MEF2B: variants seen among roughly 807,000 people sequenced by gnomAD.
The protein encoded by MEF2B is myocyte enhancer factor 2B, also known as myocyte-specific enhancer factor 2B.
MEF2B carries 15 observed loss-of-function variants against 32.2 expected under a neutral mutation model. The observed-to-expected ratio is 0.47, with a 90% CI of 0.31 to 0.72. The LOEUF is 0.72. MEF2B is among the 30% of genes least tolerant of loss of function. MEF2B has a pLI of 0.05. For missense variants in MEF2B, 441 were observed against 511.5 expected (o/e 0.86, Z 1.33); for synonymous variants, 205 against 225.6 (o/e 0.91, Z 0.82).
In MEF2B at chr19:19,146,388, G is replaced by T. The variant is rs1337694644; in HGVS notation, c.770-4C>A. ...GGAGGGTCTCCCAGGCCATATTCTG[G>T]TGGGCAGGAATTGGGGGCTGAGGCC... On this transcript the variant is annotated splice_polypyrimidine_tract_variant and splice_region_variant and intron_variant, in intron 7 of 8. Transcript: ENST00000424583. The T allele has an allele frequency of 4.5e-6, 5 of 1,105,620 alleles. No individual in the cohort carries two copies. Among genetic ancestry groups the T allele is most frequent in the Non-Finnish European group, 6.1e-6 (5 of 814,804 alleles). 68.5% of individuals were successfully genotyped at this position (1,105,620 alleles called of 1,614,324 possible).
At chr19:19,162,410 GGTGTGAGC>G (rs2060171533) in intron 1 of MEF2B, among the ~76,000 whole-genome samples, 3 of 152,196 alleles carry the variant, frequency 2.0e-5, no homozygotes, top group Non-Finnish European at 4.4e-5. Context: ...TGGGATTACG[GGTGTGAGC>G]CACCACACAG....
In MEF2B at chr19:19,145,581, G is replaced by A; in HGVS notation, c.*216C>T. 2 of 1,129,924 alleles carry A rather than the reference G, an allele frequency of 1.8e-6. No individual in the cohort carries two copies. Among genetic ancestry groups the A allele is most frequent in the Non-Finnish European group, 2.5e-6 (2 of 815,780 alleles). The allele number at this position is 1,129,924 out of a possible 1,614,324, so 70.0% of individuals were successfully genotyped here. A position where few individuals can be genotyped will look rare whatever the true frequency, so the allele number is the denominator to read the frequency against. ...GTCACAGTCAGTCTGGTCCACGGAC[G>A]CCACGCGCGTTTTATTTGTGGATAT... On this transcript the variant is annotated 3_prime_UTR_variant, in exon 9 of 9. Transcript: ENST00000424583. The surrounding 1 kb of genome is among the most constrained non-coding windows in gnomAD (Gnocchi z 4.6).
intron 1 of MEF2B, among the ~76,000 whole-genome samples, chr19:19,158,867 G>A (rs116745824): frequency 0.01 from 1,547 of 152,124 alleles, 24 homozygotes; most frequent in African/African-American, 0.036. Context: ...GCAGGGGGAG[G>A]CAGAGGTTGC....
intron 1 of MEF2B, among the ~76,000 whole-genome samples, chr19:19,152,413 A>C (rs2060091036): frequency 6.6e-6 from 1 of 151,888 alleles, no homozygotes. Flanking sequence ...AAGAAAAAGA[A>C]AAAGAAATCT....
intron 1 of MEF2B, among the ~76,000 whole-genome samples, chr19:19,153,074 C>G (rs1307458167): frequency 1.3e-5 from 2 of 152,186 alleles, no homozygotes; most frequent in African/African-American, 2.4e-5. Context: ...GGCCTTGGTC[C>G]GGAGGTCCCA....
At position 19,170,236 on chromosome 19, in the gene MEF2B, C is replaced by T; in HGVS notation, c.-61G>A. ...GGCCTGGGCCCTGGGACGCTGGGCGCACGGACCCGCGGCGGCTGCACGAAG... is the reference window on the plus strand; with the variant it reads ...GGCCTGGGCCCTGGGACGCTGGGCGTACGGACCCGCGGCGGCTGCACGAAG... On this transcript the variant is annotated 5_prime_UTR_variant, in exon 1 of 9. Transcript: ENST00000424583. 1 of 398,530 alleles carries T rather than the reference C, an allele frequency of 2.5e-6. No homozygotes were observed. The highest frequency in any genetic ancestry group is 4.4e-6 in the Non-Finnish European group (1 of 225,980). 24.7% of individuals were successfully genotyped at this position (398,530 alleles called of 1,614,324 possible). A position where few individuals can be genotyped will look rare whatever the true frequency, so the allele number is the denominator to read the frequency against.
At chr19:19,164,110 G>A (rs1174777703) in intron 1 of MEF2B, among the ~76,000 whole-genome samples, 1 of 152,076 alleles carries the variant, frequency 6.6e-6, no homozygotes. Context: ...GGGATCACAG[G>A]CTCGCCCCCA....
chr19:19,151,383 G>GA (rs1174293837), intron 1 of MEF2B, among the ~76,000 whole-genome samples: 4 of 152,108 alleles, frequency 2.6e-5, no homozygotes, highest in Non-Finnish European at 5.9e-5. Context: ...TGACTTGGAA[G>GA]AAATCCTGTA....
chr19:19,149,555 T>A, intron 2 of MEF2B, 126 bp from the exon 3 acceptor site: 1 of 1,301,298 alleles, frequency 7.7e-7, no homozygotes, highest in Non-Finnish European at 1.1e-6. Context: ...GCTGAGCTGG[T>A]AATTCTCATG....
intron 1 of MEF2B, among the ~76,000 whole-genome samples, chr19:19,159,131 G>C (rs536208461): frequency 1.3e-5 from 2 of 150,576 alleles, no homozygotes; most frequent in South Asian, 4.2e-4. Context: ...AGTAGAGATG[G>C]GGTTTCACCA....
rs576333988 is a variant in MEF2B at position 19,163,717 on chromosome 19, A to G, written c.-30+6488T>C. On this transcript the variant is annotated intron_variant, in intron 1 of 8. Coordinates refer to ENST00000424583, the MANE Select transcript of MEF2B (RefSeq NM_001145785.2). Reference sequence around the variant, plus strand: ...CACCTAGACTGGAGTGTAATGGCACAATCTGGGCCTACTGCAACCTCCGCC... The same window carrying G: ...CACCTAGACTGGAGTGTAATGGCACGATCTGGGCCTACTGCAACCTCCGCC... Among the ~76,000 whole-genome samples the G allele has an allele frequency of 7.2e-4, 110 of 152,188 alleles. 1 individual carries two copies. In the Middle Eastern group the frequency reaches 0.02, roughly 28 times the overall value.
intron 1 of MEF2B, among the ~76,000 whole-genome samples, chr19:19,158,735 G>C (rs2060137978): frequency 6.6e-6 from 1 of 151,722 alleles, no homozygotes; most frequent in Non-Finnish European, 1.5e-5. Context: ...TCCAGCCTGG[G>C]TGACACAGCC....
chr19:19,154,259 G>A (rs899463147), intron 1 of MEF2B, among the ~76,000 whole-genome samples: 6 of 152,078 alleles, frequency 3.9e-5, no homozygotes, highest in Admixed American at 2.6e-4. Flanking sequence ...CACCTCCCAG[G>A]TTCAAGTGAT....
In MEF2B at chr19:19,166,662, G is replaced by A. The variant is rs148080558; in HGVS notation, c.-30+3543C>T. Among the ~76,000 whole-genome samples, 437 of 151,454 alleles carry A rather than the reference G, an allele frequency of 2.9e-3. 2 individuals are homozygous for A. Among genetic ancestry groups the A allele is most frequent in the Middle Eastern group, 3.5e-3 (1 of 282 alleles). Reference sequence around the variant, plus strand: ...CAATCCCAGCTACTCGGGAGACTGAGGTGACAGGATGGCTTGAGCCCAGGA... The same window carrying A: ...CAATCCCAGCTACTCGGGAGACTGAAGTGACAGGATGGCTTGAGCCCAGGA... On this transcript the variant is annotated intron_variant, in intron 1 of 8. Coordinates refer to ENST00000424583, the MANE Select transcript of MEF2B (RefSeq NM_001145785.2).
intron 1 of MEF2B, among the ~76,000 whole-genome samples, chr19:19,156,640 G>A (rs2060122399): frequency 3.3e-5 from 5 of 152,112 alleles, no homozygotes; most frequent in Admixed American, 3.3e-4. Flanking sequence ...GAAATAGACG[G>A]GATCTAGCCG....
At chr19:19,161,545 A>C (rs551451448) in intron 1 of MEF2B, among the ~76,000 whole-genome samples, 3 of 152,132 alleles carry the variant, frequency 2.0e-5, no homozygotes, top group African/African-American at 7.2e-5. Flanking sequence ...GACAGACCCC[A>C]AAAACACTCA....
chr19:19,149,877 G>A (rs75746498), intron 2 of MEF2B, among the ~76,000 whole-genome samples: 4 of 151,776 alleles, frequency 2.6e-5, no homozygotes, highest in African/African-American at 4.8e-5. Flanking sequence ...TCAGGAGTTC[G>A]AGGCTAGCCT....
chr19:19,163,394 G>T (rs1189014185), intron 1 of MEF2B, among the ~76,000 whole-genome samples: 1 of 152,092 alleles, frequency 6.6e-6, no homozygotes, highest in Non-Finnish European at 1.5e-5. Flanking sequence ...AAGTGATCCT[G>T]CTGCCTCGGT....
Position 19,145,817 on chromosome 19 carries a change from C to T in MEF2B, c.1087G>A (p.Ala363Thr), listed in dbSNP as rs780163005. Reference sequence around the variant, plus strand: ...ATCTCCTACCGGGGCCAGCCGTCGGCCAAGGGCAGCCGGCGCAGGGCGGGC... The same window carrying T: ...ATCTCCTACCGGGGCCAGCCGTCGGTCAAGGGCAGCCGGCGCAGGGCGGGC... ...PGPALRRLPL[A>T]DGWPR The change falls in exon 9 of 9, where the codon GCC (alanine) becomes ACC (threonine). Residue 363 changes from alanine to threonine, a missense_variant. Transcript: ENST00000424583. This position sits in a 1 kb window ranked among gnomAD's most constrained non-coding sequence, Gnocchi z 4.6. 1 of 1,533,194 alleles carries T rather than the reference C, an allele frequency of 6.5e-7. No individual in the cohort carries two copies. The highest frequency in any genetic ancestry group is 1.2e-5 in the South Asian group (1 of 83,026). 95.0% of individuals were successfully genotyped at this position (1,533,194 alleles called of 1,614,324 possible). A position where few individuals can be genotyped will look rare whatever the true frequency, so the allele number is the denominator to read the frequency against.
Sources: allele counts gnomAD v4.1 joint callset (sites outside exome capture counted in the v4.1 genomes callset), GRCh38; gene constraint gnomAD v4.1.1; non-coding constraint Gnocchi (gnomAD v3.1); transcripts MANE v1.5; gene names NCBI Gene and HGNC (gene_info 2026-07-23, HGNC 2026-07-21).